GUCY1A2: variants seen among roughly 807,000 people sequenced by gnomAD.
GUCY1A2 encodes guanylate cyclase soluble subunit alpha-2.
In GUCY1A2, 27 loss-of-function variants were observed where a neutral mutation model predicts 63.5. The ratio of observed to expected loss-of-function variants is 0.43; its 90% CI spans 0.31 to 0.59. The LOEUF (loss-of-function observed/expected upper bound fraction) is 0.59. Ranked by LOEUF, GUCY1A2 falls within the 20% of genes least tolerant of loss-of-function variation. The probability of loss-of-function intolerance (pLI) is 0.11; values close to 1 mark genes in which losing one functional copy is unlikely to be tolerated. For synonymous variants in GUCY1A2, 364 were observed against 343.5 expected (o/e 1.06, Z -0.66); for missense variants, 768 against 913.3 (o/e 0.84, Z 2.05).
intron 1 of GUCY1A2, among the ~76,000 whole-genome samples, chr11:107,001,504 C>T (rs1454441369): frequency 2.0e-5 from 3 of 151,902 alleles, no homozygotes; most frequent in Non-Finnish European, 4.4e-5. Flanking sequence ...ATTAAGCATG[C>T]ATAGGGGGCA....
chr11:106,940,320 G>GT, intron 3 of GUCY1A2, 142 bp from the exon 4 acceptor site: 1 of 537,672 alleles, frequency 1.9e-6, no homozygotes, highest in Non-Finnish European at 3.3e-6. Flanking sequence ...TTCCACATAG[G>GT]TTAATTCACT....
chr11:106,956,566 G>T (rs866985317), intron 3 of GUCY1A2, among the ~76,000 whole-genome samples: 4 of 151,970 alleles, frequency 2.6e-5, no homozygotes, highest in African/African-American at 4.8e-5. Context: ...GTTTGCTAGG[G>T]GTTCACTTCA....
intron 6 of GUCY1A2, among the ~76,000 whole-genome samples, chr11:106,736,427 A>T (rs970622074): frequency 3.3e-5 from 5 of 152,062 alleles, no homozygotes; most frequent in African/African-American, 9.7e-5. Flanking sequence ...CCTTGGCAAA[A>T]ATGAGTTAAC....
chr11:106,689,565 G>A (rs1471453914), intron 7 of GUCY1A2, among the ~76,000 whole-genome samples: 1 of 151,916 alleles, frequency 6.6e-6, no homozygotes, highest in African/African-American at 2.4e-5. Context: ...ACATGAACAG[G>A]CATTTCTGAA....
intron 6 of GUCY1A2, among the ~76,000 whole-genome samples, chr11:106,764,988 C>G (rs1470326335): frequency 1.2e-4 from 7 of 58,834 alleles, no homozygotes; most frequent in African/African-American, 1.9e-4. Context: ...GGTTGGGGGG[C>G]AGGAATAAAT....
At chr11:106,866,316 G>A (rs1859592611) in intron 4 of GUCY1A2, among the ~76,000 whole-genome samples, 1 of 152,040 alleles carries the variant, frequency 6.6e-6, no homozygotes. Context: ...AGAGAGGGAA[G>A]TAGAGAAATG....
At chr11:106,847,834 CT>C (rs1859296911) in intron 4 of GUCY1A2, among the ~76,000 whole-genome samples, 1 of 151,450 alleles carries the variant, frequency 6.6e-6, no homozygotes, top group African/African-American at 2.4e-5. Flanking sequence ...TTGAAAAACA[CT>C]AAAAGAAATA....
intron 4 of GUCY1A2, among the ~76,000 whole-genome samples, chr11:106,868,709 G>C (rs143480810): frequency 2.6e-5 from 4 of 151,974 alleles, no homozygotes; most frequent in Non-Finnish European, 4.4e-5. Flanking sequence ...TCAATGCCAT[G>C]CCCATCAAGC....
chr11:106,850,597 T>C (rs1859340070), intron 4 of GUCY1A2, among the ~76,000 whole-genome samples: 1 of 151,838 alleles, frequency 6.6e-6, no homozygotes, highest in Non-Finnish European at 1.5e-5. Flanking sequence ...TGTGACAACA[T>C]GTGGTTATTG....
At chr11:106,816,167 T>TAAAAA (rs60263721) in intron 4 of GUCY1A2, among the ~76,000 whole-genome samples, 1 of 92,014 alleles carries the variant, frequency 1.1e-5, no homozygotes, top group Non-Finnish European at 2.1e-5. Flanking sequence ...ACTCTTTCTT[T>TAAAAA]AAAAAAAAAA....
At chr11:106,945,163 A>AAG (rs1555052942) in intron 3 of GUCY1A2, among the ~76,000 whole-genome samples, 11 of 151,896 alleles carry the variant, frequency 7.2e-5, no homozygotes, top group African/African-American at 2.4e-4. Flanking sequence ...AAAAAAAAAA[A>AAG]AGAGAGAGAG....
intron 4 of GUCY1A2, among the ~76,000 whole-genome samples, chr11:106,840,826 T>A (rs1486623689): frequency 1.3e-5 from 2 of 151,976 alleles, no homozygotes. Context: ...AGCTATTTTC[T>A]TAAATTAGAA....
intron 5 of GUCY1A2, among the ~76,000 whole-genome samples, chr11:106,789,621 G>A (rs1252543886): frequency 6.6e-6 from 1 of 152,090 alleles, no homozygotes; most frequent in Non-Finnish European, 1.5e-5. Context: ...GTTTGTACTT[G>A]TCCTTCTTGG....
At chr11:106,750,290 T>G (rs1209364141) in intron 6 of GUCY1A2, among the ~76,000 whole-genome samples, 1 of 152,076 alleles carries the variant, frequency 6.6e-6, no homozygotes, top group Non-Finnish European at 1.5e-5. Flanking sequence ...CCTGCTTTAT[T>G]CTAGCCATGC....
intron 3 of GUCY1A2, among the ~76,000 whole-genome samples, chr11:106,953,105 A>G (rs777608323): frequency 2.0e-5 from 3 of 152,116 alleles, no homozygotes; most frequent in Non-Finnish European, 4.4e-5. Context: ...CTTGTCTTGT[A>G]CCAGTTTTTA....
intron 4 of GUCY1A2, among the ~76,000 whole-genome samples, chr11:106,921,498 C>A (rs1172793747): frequency 6.6e-6 from 1 of 152,054 alleles, no homozygotes; most frequent in Non-Finnish European, 1.5e-5. Flanking sequence ...TTAAATAAAT[C>A]TTTTAGAACT....
intron 6 of GUCY1A2, among the ~76,000 whole-genome samples, chr11:106,721,367 GTTTC>G (rs1863314154): frequency 6.6e-6 from 1 of 152,088 alleles, no homozygotes; most frequent in South Asian, 2.1e-4. Context: ...CCAACAAAAT[GTTTC>G]TTATTGTTAA....
chr11:106,811,424 C>T (rs1195428012), intron 4 of GUCY1A2, among the ~76,000 whole-genome samples: 2 of 152,074 alleles, frequency 1.3e-5, no homozygotes, highest in East Asian at 3.9e-4. Flanking sequence ...GTTGCAATTA[C>T]TTAGAAAGAA....
At chr11:106,985,931 T>G (rs138745116) in intron 2 of GUCY1A2, 139 bp downstream of exon 2, 1 of 622,378 alleles carries the variant, frequency 1.6e-6, no homozygotes, top group Admixed American at 2.5e-5. Flanking sequence ...CAATAAGCCT[T>G]CACGCCCCAC....
Sources: allele counts gnomAD v4.1 joint callset (sites outside exome capture counted in the v4.1 genomes callset), GRCh38; gene constraint gnomAD v4.1.1; transcripts MANE v1.5; gene names NCBI Gene and HGNC (gene_info 2026-07-23, HGNC 2026-07-21).